The following SGCZ variants were observed in gnomAD, a reference collection of about 807,000 sequenced individuals.
SGCZ encodes the protein zeta-sarcoglycan.
Under a neutral mutation model 41.3 loss-of-function variants are expected in SGCZ, and 40 were observed. That is an observed-to-expected ratio of 0.97 (90% confidence interval 0.75 to 1.26). The LOEUF (loss-of-function observed/expected upper bound fraction) is 1.26. Ranked by LOEUF, SGCZ falls within the 50% of genes most tolerant of loss-of-function variation. SGCZ has a pLI of 0.00. For missense variants in SGCZ, 552 were observed against 369.8 expected, an observed-to-expected ratio of 1.49 and a Z score of -4.04; for synonymous variants, 206 against 137.5, an observed-to-expected ratio of 1.50 and a Z score of -3.49.
chr8:14,214,392 G>C (rs1480053387), intron 4 of SGCZ, among the ~76,000 whole-genome samples: 1 of 152,020 alleles, frequency 6.6e-6, no homozygotes, highest in Non-Finnish European at 1.5e-5. Context: ...GAACACTAAC[G>C]TAAAACCTCA....
At chr8:14,983,067 T>A (rs1029825467) in intron 1 of SGCZ, among the ~76,000 whole-genome samples, 3 of 152,136 alleles carry the variant, frequency 2.0e-5, no homozygotes, top group Non-Finnish European at 1.5e-5. Context: ...CCTCAAGGGG[T>A]TGTTCTGGGG....
At chr8:14,468,537 G>C (rs902102060) in intron 2 of SGCZ, among the ~76,000 whole-genome samples, 1 of 152,046 alleles carries the variant, frequency 6.6e-6, no homozygotes, top group Non-Finnish European at 1.5e-5. Context: ...TGAGAGCAAA[G>C]GTGGTGCCTC....
chr8:14,896,093 T>C (rs546113424), intron 1 of SGCZ, among the ~76,000 whole-genome samples: 1 of 152,310 alleles, frequency 6.6e-6, no homozygotes, highest in Admixed American at 6.5e-5. Context: ...TAAAATCAAC[T>C]AGTTTTCTGC....
chr8:15,189,097 A>G (rs764056397), intron 1 of SGCZ, among the ~76,000 whole-genome samples: 4 of 152,186 alleles, frequency 2.6e-5, no homozygotes, highest in Non-Finnish European at 5.9e-5. Context: ...GAGATTCAGG[A>G]AGATGGCCAT....
At chr8:15,202,248 T>C (rs781047878) in intron 1 of SGCZ, among the ~76,000 whole-genome samples, 1 of 152,170 alleles carries the variant, frequency 6.6e-6, no homozygotes, top group Non-Finnish European at 1.5e-5. Flanking sequence ...AGAGGCCAAA[T>C]GCTCATGAAT....
At chr8:14,993,788 A>T (rs1382050044) in intron 1 of SGCZ, among the ~76,000 whole-genome samples, 1 of 152,214 alleles carries the variant, frequency 6.6e-6, no homozygotes, top group African/African-American at 2.4e-5. Flanking sequence ...GTCAATGTTA[A>T]CAGACGCAAG....
At chr8:14,558,724 T>C (rs1378497558) in intron 1 of SGCZ, among the ~76,000 whole-genome samples, 7 of 152,168 alleles carry the variant, frequency 4.6e-5, no homozygotes, top group Admixed American at 3.3e-4. Flanking sequence ...TAAACATAGA[T>C]GTTAAAATCC....
At chr8:14,103,711 T>A (rs993688110) in intron 6 of SGCZ, among the ~76,000 whole-genome samples, 2 of 152,078 alleles carry the variant, frequency 1.3e-5, no homozygotes, top group Non-Finnish European at 2.9e-5. Context: ...CATTTGGAGA[T>A]CTAGCTTCAT....
chr8:14,460,991 C>T (rs1800886396), intron 2 of SGCZ, among the ~76,000 whole-genome samples: 1 of 152,038 alleles, frequency 6.6e-6, no homozygotes, highest in East Asian at 1.9e-4. Flanking sequence ...GAATATGTTT[C>T]CCATAGGAAA....
rs1801561089 is a variant in SGCZ at position 14,087,669 on chromosome 8, CAT to C, written c.*2772_*2773del. ...TAACATAAAGATGGTACTGGGAAAA[CAT>C]AATCTGTTAGGGTACTGTGCAATTA... On this transcript the variant is annotated 3_prime_UTR_variant, in exon 8 of 8. Transcript: ENST00000382080. Among the ~76,000 whole-genome samples, 1 of 150,660 alleles carries C rather than the reference CAT, an allele frequency of 6.6e-6. No individual in the cohort carries two copies. The highest frequency in any genetic ancestry group is 1.5e-5 in the Non-Finnish European group (1 of 67,576).
At chr8:14,306,578 C>T (rs570107068) in intron 3 of SGCZ, among the ~76,000 whole-genome samples, 1 of 152,224 alleles carries the variant, frequency 6.6e-6, no homozygotes, top group Non-Finnish European at 1.5e-5. Context: ...AGAGGACCAC[C>T]AACATGGCAA....
intron 5 of SGCZ, among the ~76,000 whole-genome samples, chr8:14,119,510 G>A (rs375106785): frequency 1.3e-5 from 2 of 152,140 alleles, no homozygotes; most frequent in Non-Finnish European, 2.9e-5. Flanking sequence ...TCTGCAAACA[G>A]AGACAATTTC....
chr8:14,734,511 T>C (rs1485992972), intron 1 of SGCZ, among the ~76,000 whole-genome samples: 2 of 152,284 alleles, frequency 1.3e-5, no homozygotes, highest in Non-Finnish European at 2.9e-5. Context: ...CCCAAGGAAC[T>C]TAGTATTTTT....
intron 5 of SGCZ, among the ~76,000 whole-genome samples, chr8:14,146,761 G>A (rs111432333): frequency 0.049 from 6,091 of 124,972 alleles, 222 homozygotes; most frequent in Middle Eastern, 0.14. Flanking sequence ...AGTCCCAGCT[G>A]CTCTGGAGGC....
At position 14,209,075 on chromosome 8, in the gene SGCZ, T is replaced by C. The variant is rs141130295; in HGVS notation, c.424+28517A>G. On this transcript the variant is annotated intron_variant, in intron 4 of 7. Transcript: ENST00000382080. ...TCAAAATGACGCCTCCATGTTCCCA[T>C]CTCTTTGCCAGCCATGTATATAGTA... Among the ~76,000 whole-genome samples, 546 of 152,264 alleles carry C rather than the reference T, an allele frequency of 3.6e-3. 5 individuals are homozygous for C. Among genetic ancestry groups the C allele is most frequent in the South Asian group, 0.021 (102 of 4,830 alleles).
chr8:14,210,639 A>AT (rs1002731427), intron 4 of SGCZ, among the ~76,000 whole-genome samples: 5 of 149,710 alleles, frequency 3.3e-5, no homozygotes, highest in South Asian at 2.1e-4. Context: ...AATTTTTTGT[A>AT]TTTTTTTAGT....
intron 4 of SGCZ, among the ~76,000 whole-genome samples, chr8:14,204,874 G>C (rs567198243): frequency 6.6e-6 from 1 of 152,196 alleles, no homozygotes; most frequent in African/African-American, 2.4e-5. Context: ...TACGTCATTG[G>C]CTTTCCTGGT....
intron 1 of SGCZ, among the ~76,000 whole-genome samples, chr8:15,113,748 A>G (rs539977186): frequency 6.6e-6 from 1 of 152,084 alleles, no homozygotes; most frequent in Non-Finnish European, 1.5e-5. Context: ...TTCATGTCCA[A>G]ACTTGACCCT....
intron 1 of SGCZ, among the ~76,000 whole-genome samples, chr8:14,950,271 T>C (rs1241832223): frequency 6.6e-6 from 1 of 152,032 alleles, no homozygotes; most frequent in Non-Finnish European, 1.5e-5. Flanking sequence ...ACAAACCAAA[T>C]GATGAAGTTC....
Sources: gnomAD v4.1 joint callset for allele counts (sites outside exome capture counted in the v4.1 genomes callset) on GRCh38, gnomAD v4.1.1 for gene constraint, MANE v1.5 for transcripts, NCBI Gene and HGNC (gene_info 2026-07-23, HGNC 2026-07-21) for gene names.